The following ABTB2 variants were observed in gnomAD, a reference collection of about 807,000 sequenced individuals.
The protein encoded by ABTB2 is ankyrin repeat and BTB domain containing 2, also known as ankyrin repeat and BTB/POZ domain-containing protein 2.
A neutral mutation model predicts 104.1 loss-of-function variants in ABTB2; 56 were observed. The observed-to-expected ratio is 0.54, with a 90% confidence interval of 0.43 to 0.67. ABTB2 has a LOEUF of 0.67. Ranked by LOEUF, ABTB2 falls within the 30% of genes least tolerant of loss-of-function variation. The pLI is 0.00. For synonymous variants in ABTB2, 606 were observed against 608.2 expected (o/e 1.00, Z 0.05); for missense variants, 1,279 against 1,407.7 (o/e 0.91, Z 1.46).
At chr11:34,301,265 G>A (rs934143206) in intron 1 of ABTB2, among the ~76,000 whole-genome samples, 6 of 152,100 alleles carry the variant, frequency 3.9e-5, no homozygotes, top group Non-Finnish European at 5.9e-5. Flanking sequence ...CTTCTTTCCC[G>A]TAGTTAGTGT....
At chr11:34,231,382 C>A (rs547540410) in intron 1 of ABTB2, among the ~76,000 whole-genome samples, 1 of 152,208 alleles carries the variant, frequency 6.6e-6, no homozygotes, top group South Asian at 2.1e-4. Flanking sequence ...GGAGGTAGAG[C>A]ATAACTTCCC....
intron 14 of ABTB2, among the ~76,000 whole-genome samples, chr11:34,156,523 C>CT (rs397764001): frequency 0.018 from 2,618 of 142,396 alleles, 51 homozygotes; most frequent in African/African-American, 0.056. Flanking sequence ...TGCTCAGTAA[C>CT]TTTTTTTTTT....
At position 34,161,024 on chromosome 11, in the gene ABTB2, G is replaced by A. The variant is rs1173284303; in HGVS notation, c.2276C>T (p.Ser759Leu). 3.1e-6 allele frequency: 5 copies of A among 1,613,316 alleles called. No homozygotes were observed. The highest frequency in any genetic ancestry group is 1.3e-5 in the African/African-American group (1 of 74,858). Residue 759 changes from serine (S) to leucine (L), a missense_variant, in exon 11 of 17, where the codon TCG (serine) becomes TTG (leucine). Physicochemically the swap from Ser to Leu is moderately radical, Grantham distance 145 (BLOSUM62 -2). Coordinates refer to ENST00000435224, the MANE Select transcript of ABTB2 (RefSeq NM_145804.3). ...GAGGCTCTGCACCACCGAGTACCGCGACTGCGAGAACGAGGTCCTCAGAGA... is the reference window on the plus strand; with the variant it reads ...GAGGCTCTGCACCACCGAGTACCGCAACTGCGAGAACGAGGTCCTCAGAGA... ...IESLRTSFSQ[S>L]RYSVVQSLLR...
chr11:34,188,661 T>C (rs115014281), intron 3 of ABTB2, among the ~76,000 whole-genome samples: 33 of 152,322 alleles, frequency 2.2e-4, no homozygotes, highest in African/African-American at 7.5e-4. Context: ...GAGCTTAACA[T>C]TGCAAATCTT....
intron 1 of ABTB2, among the ~76,000 whole-genome samples, chr11:34,325,251 T>A (rs949091073): frequency 6.6e-6 from 1 of 152,190 alleles, no homozygotes; most frequent in South Asian, 2.1e-4. Context: ...TCTTTAGTGG[T>A]CCATCAGTGG....
rs1345302300 is a variant in ABTB2, at chr11:34,159,933, TTA to T, written c.2577_2578del (p.His859GlnfsTer9). On this transcript the variant is annotated frameshift_variant, in exon 13 of 17. Coordinates refer to ENST00000435224, the MANE Select transcript of ABTB2 (RefSeq NM_145804.3). LOFTEE classifies it high-confidence loss of function. ...GTTAGAAGCTGTCACCAGCAGGACTTTATGTGCATAAAACAGCTTTCCTTCCA... is the reference window on the plus strand; with the variant it reads ...GTTAGAAGCTGTCACCAGCAGGACTTTGTGCATAAAACAGCTTTCCTTCCA... 6.2e-7 allele frequency: 1 copy of T among 1,614,036 alleles called. No homozygotes were observed. Among genetic ancestry groups the T allele is most frequent in the Admixed American group, 1.7e-5 (1 of 60,030 alleles).
At chr11:34,203,355 G>A (rs1223329825) in intron 2 of ABTB2, among the ~76,000 whole-genome samples, 1 of 152,218 alleles carries the variant, frequency 6.6e-6, no homozygotes, top group African/African-American at 2.4e-5. Flanking sequence ...TAATGTTCAA[G>A]TGTAAAGTAA....
intron 1 of ABTB2, among the ~76,000 whole-genome samples, chr11:34,297,220 C>G (rs1016444033): frequency 6.6e-6 from 1 of 152,132 alleles, no homozygotes; most frequent in Non-Finnish European, 1.5e-5. Flanking sequence ...GAATGATTTG[C>G]TTTTCCTTAA....
At chr11:34,276,755 C>T (rs762291998) in intron 1 of ABTB2, among the ~76,000 whole-genome samples, 27 of 152,140 alleles carry the variant, frequency 1.8e-4, no homozygotes, top group Admixed American at 6.5e-4. Context: ...AAACAAGGTG[C>T]GCTGCTGATC....
chr11:34,282,627 G>C (rs1854459834), intron 1 of ABTB2, among the ~76,000 whole-genome samples: 1 of 151,094 alleles, frequency 6.6e-6, no homozygotes, highest in Non-Finnish European at 1.5e-5. Flanking sequence ...CCCAGGTTCA[G>C]GTAATTAGCC....
intron 1 of ABTB2, among the ~76,000 whole-genome samples, chr11:34,237,498 G>C (rs1853860651): frequency 6.6e-6 from 1 of 152,086 alleles, no homozygotes; most frequent in African/African-American, 2.4e-5. Flanking sequence ...AAATGAATTT[G>C]CCAGATTTAT....
In ABTB2 at chr11:34,164,690, G is replaced by A; in HGVS notation, c.1984C>T (p.His662Tyr). ...GTGGGAATCCCGGGCAGGTACCTGT[G>A]GCCGTGGGCAGCTGAGTGGCTGAAG... is the stretch of plus-strand genomic sequence containing the variant. ...NCFSHSAAHG[H>Y]RNVLRKLLTQ... Residue 662 changes from histidine to tyrosine, a missense_variant, in exon 9 of 17, where the codon CAC becomes TAC. Transcript: ENST00000435224. The A allele has an allele frequency of 1.3e-6, 2 of 1,509,944 alleles. No homozygotes were observed. The highest frequency in any genetic ancestry group is 2.7e-5 in the South Asian group (2 of 74,760). The allele number at this position is 1,509,944 out of a possible 1,614,324, so 93.5% of individuals were successfully genotyped here. A position where few individuals can be genotyped will look rare whatever the true frequency, so the allele number is the denominator to read the frequency against.
intron 1 of ABTB2, among the ~76,000 whole-genome samples, chr11:34,214,140 AC>A (rs1295859050): frequency 1.4e-3 from 5 of 3,646 alleles, no homozygotes; most frequent in African/African-American, 2.1e-3. Flanking sequence ...CACATTCAAA[AC>A]ACACACACAC....
In ABTB2 at chr11:34,357,059, C is replaced by A. The variant is rs747861681; in HGVS notation, c.525G>T (p.Ala175=). 12 of 1,525,822 alleles carry A rather than the reference C, an allele frequency of 7.9e-6. No homozygotes were observed. The highest frequency in any genetic ancestry group is 9.7e-6 in the Non-Finnish European group (11 of 1,138,024). 94.5% of individuals were successfully genotyped at this position (1,525,822 alleles called of 1,614,324 possible). ...GGGACAGCGCCTTGACGGCTGCCAG[C>A]GCGCAGCTCTCGGCCAGCGCCCAGC... The part of the protein sequence containing the change: ...VHSWALAESC[A]LAAVKALSLY... Residue 175 remains alanine, a synonymous_variant, in exon 1 of 17, where the codon GCG becomes GCT. Transcript: ENST00000435224.
intron 3 of ABTB2, among the ~76,000 whole-genome samples, chr11:34,185,745 G>A (rs1853089101): frequency 6.6e-6 from 1 of 151,946 alleles, no homozygotes; most frequent in African/African-American, 2.4e-5. Context: ...AATAAGTCCT[G>A]GTATTCCCTT....
chr11:34,298,323 G>A (rs1225047341), intron 1 of ABTB2, among the ~76,000 whole-genome samples: 2 of 151,268 alleles, frequency 1.3e-5, no homozygotes, highest in Non-Finnish European at 2.9e-5. Flanking sequence ...CATAGCCTTA[G>A]CATAAAACTA....
chr11:34,248,412 C>G (rs902432889), intron 1 of ABTB2, among the ~76,000 whole-genome samples: 15 of 151,946 alleles, frequency 9.9e-5, no homozygotes, highest in African/African-American at 3.6e-4. Flanking sequence ...GGGTTAACTA[C>G]CAGTTTCCTA....
chr11:34,195,086 A>AG (rs1442576699), intron 3 of ABTB2, among the ~76,000 whole-genome samples: 4 of 38,066 alleles, frequency 1.1e-4, no homozygotes, highest in Admixed American at 2.5e-4. Context: ...GGGGGGGGGG[A>AG]GTGGGGGCGG....
At chr11:34,320,539 C>T (rs1374306600) in intron 1 of ABTB2, among the ~76,000 whole-genome samples, 1 of 152,200 alleles carries the variant, frequency 6.6e-6, no homozygotes, top group Non-Finnish European at 1.5e-5. Flanking sequence ...GGATATACCT[C>T]ACCACAGTAG....
Sources: allele counts gnomAD v4.1 joint callset (sites outside exome capture counted in the v4.1 genomes callset), GRCh38; gene constraint gnomAD v4.1.1; transcripts MANE v1.5; gene names NCBI Gene and HGNC (gene_info 2026-07-23, HGNC 2026-07-21).